TRAPPC9: variants seen among roughly 807,000 people sequenced by gnomAD.
TRAPPC9 encodes trafficking protein particle complex subunit 9, also known as IKK2 binding protein.
TRAPPC9 carries 83 observed loss-of-function variants against 124.0 expected under a neutral mutation model. The observed-to-expected ratio is 0.67, with a 90% CI of 0.56 to 0.80. The LOEUF (loss-of-function observed/expected upper bound fraction) is 0.80. TRAPPC9 is among the 30% of genes least tolerant of loss of function. The pLI is 0.00. For missense variants in TRAPPC9, 1,302 were observed against 1,508.3 expected (o/e 0.86, Z 2.27); for synonymous variants, 638 against 617.5 (o/e 1.03, Z -0.49).
At chr8:140,354,108 C>G (rs944593465) in intron 9 of TRAPPC9, among the ~76,000 whole-genome samples, 2 of 152,206 alleles carry the variant, frequency 1.3e-5, no homozygotes, top group African/African-American at 4.8e-5. Context: ...CGGCCAAATA[C>G]AGAGTGAATG....
intron 17 of TRAPPC9, among the ~76,000 whole-genome samples, chr8:140,190,540 A>G (rs1459704439): frequency 1.3e-5 from 2 of 152,332 alleles, no homozygotes; most frequent in African/African-American, 4.8e-5. Flanking sequence ...GCAGGAATTA[A>G]TTGGTTCAGA....
intron 5 of TRAPPC9, 79 bp downstream of exon 5, chr8:140,426,536 T>G: frequency 7.4e-7 from 1 of 1,355,290 alleles, no homozygotes; most frequent in Non-Finnish European, 1.1e-6. Flanking sequence ...ATCCAGAAAT[T>G]TTAACCATTC....
At chr8:139,883,408 C>A (rs1259845879) in intron 21 of TRAPPC9, among the ~76,000 whole-genome samples, 1 of 152,220 alleles carries the variant, frequency 6.6e-6, no homozygotes, top group Non-Finnish European at 1.5e-5. Flanking sequence ...AAAATCAGGG[C>A]AAGAAATGGA....
In TRAPPC9 at chr8:140,353,756, A is replaced by G. The variant is rs2067655940; in HGVS notation, c.1495+6294T>C. 6.6e-6 allele frequency among the ~76,000 whole-genome samples: 1 copy of G among 152,242 alleles called. No homozygotes were observed. The highest frequency in any genetic ancestry group is 1.5e-5 in the Non-Finnish European group (1 of 68,046). On this transcript the variant is annotated intron_variant, in intron 9 of 22. Transcript: ENST00000438773. The surrounding 1 kb of genome is among the most constrained non-coding windows in gnomAD (Gnocchi z 4.2). Reference sequence around the variant, plus strand: ...CAGTTAGAAGAAATATCCATTTGGTAGCATAGTAGAAGGTGGGTTTAAAGA... The same window carrying G: ...CAGTTAGAAGAAATATCCATTTGGTGGCATAGTAGAAGGTGGGTTTAAAGA...
chr8:139,904,691 G>A (rs976338375), intron 20 of TRAPPC9: 3 of 152,210 alleles, frequency 2.0e-5, no homozygotes, highest in Non-Finnish European at 4.4e-5. Flanking sequence ...GCAGGTCTGA[G>A]GTAAGGAAAA....
intron 17 of TRAPPC9, among the ~76,000 whole-genome samples, chr8:140,212,533 T>G (rs2063083491): frequency 1.3e-5 from 2 of 152,176 alleles, no homozygotes; most frequent in Non-Finnish European, 2.9e-5. Context: ...GATATTGGTC[T>G]GTAGTGCTTT....
chr8:139,803,795 G>C (rs1434122295), intron 21 of TRAPPC9, among the ~76,000 whole-genome samples: 1 of 152,188 alleles, frequency 6.6e-6, no homozygotes, highest in Admixed American at 6.5e-5. Flanking sequence ...TCTTTTCTCA[G>C]AATCTGCTGC....
chr8:140,435,567 C>T (rs142705489), intron 3 of TRAPPC9, among the ~76,000 whole-genome samples: 1 of 152,236 alleles, frequency 6.6e-6, no homozygotes, highest in African/African-American at 2.4e-5. Context: ...CATCCATTCA[C>T]GTGGCCGGCA....
At chr8:140,113,890 A>C (rs2060829325) in intron 17 of TRAPPC9, among the ~76,000 whole-genome samples, 1 of 152,168 alleles carries the variant, frequency 6.6e-6, no homozygotes, top group Non-Finnish European at 1.5e-5. Context: ...TCCCTGACAC[A>C]ATCAAAGCCT....
chr8:140,301,230 G>A (rs577148260), intron 10 of TRAPPC9, among the ~76,000 whole-genome samples: 2 of 152,170 alleles, frequency 1.3e-5, no homozygotes, highest in East Asian at 3.8e-4. Flanking sequence ...ATCTGTCATC[G>A]CTTCCCACAG....
At chr8:140,404,460 ATACATGAC>A (rs2069400447) in intron 6 of TRAPPC9, among the ~76,000 whole-genome samples, 2 of 152,202 alleles carry the variant, frequency 1.3e-5, no homozygotes, top group Admixed American at 1.3e-4. Context: ...GTCTTGATGA[ATACATGAC>A]TACATCCACA....
chr8:140,048,996 C>T (rs550613198), intron 17 of TRAPPC9, among the ~76,000 whole-genome samples: 3 of 152,254 alleles, frequency 2.0e-5, no homozygotes, highest in African/African-American at 7.2e-5. Context: ...GAAGCTGAGG[C>T]GGAAGGAAGG....
chr8:140,399,292 G>A (rs533941513), intron 6 of TRAPPC9, among the ~76,000 whole-genome samples: 2 of 152,354 alleles, frequency 1.3e-5, no homozygotes, highest in African/African-American at 4.8e-5. Flanking sequence ...GTGGAGCTGT[G>A]AGAAGAAAGC....
At chr8:140,270,526 C>G (rs1194877203) in intron 15 of TRAPPC9, among the ~76,000 whole-genome samples, 1 of 152,206 alleles carries the variant, frequency 6.6e-6, no homozygotes, top group Non-Finnish European at 1.5e-5. Context: ...AGAGACCATA[C>G]CCTGATTAGA....
intron 8 of TRAPPC9, among the ~76,000 whole-genome samples, chr8:140,361,395 G>A (rs1345526150): frequency 6.6e-6 from 1 of 152,230 alleles, no homozygotes; most frequent in East Asian, 1.9e-4. Context: ...GCCAGGGCAG[G>A]TGGGCAAGGA....
At chr8:139,766,919 A>C (rs1198314069) in intron 21 of TRAPPC9, among the ~76,000 whole-genome samples, 1 of 152,214 alleles carries the variant, frequency 6.6e-6, no homozygotes, top group Non-Finnish European at 1.5e-5. Context: ...TACAGCACTT[A>C]TCATATGCTC....
At chr8:139,852,168 A>T (rs1283678075) in intron 21 of TRAPPC9, among the ~76,000 whole-genome samples, 2 of 152,176 alleles carry the variant, frequency 1.3e-5, no homozygotes, top group South Asian at 2.1e-4. Flanking sequence ...ACAGATGATG[A>T]GACTTGCTCC....
chr8:139,958,079 C>T (rs767542970), intron 19 of TRAPPC9, among the ~76,000 whole-genome samples: 9 of 152,136 alleles, frequency 5.9e-5, no homozygotes, highest in African/African-American at 9.7e-5. Flanking sequence ...GCCAATCATG[C>T]GCGAGTCAGT....
chr8:139,767,423 ATCCTCACGAGGGCAGCATCCCG>A (rs1454241377), intron 21 of TRAPPC9, among the ~76,000 whole-genome samples: 9 of 152,188 alleles, frequency 5.9e-5, no homozygotes, highest in Non-Finnish European at 1.0e-4. Context: ...AGAGCATCCC[ATCCTCACGAGGGCAGCATCCCG>A]TCCTCACGAG....
Sources: allele counts gnomAD v4.1 joint callset (sites outside exome capture counted in the v4.1 genomes callset), GRCh38; gene constraint gnomAD v4.1.1; non-coding constraint Gnocchi (gnomAD v3.1); transcripts MANE v1.5; gene names NCBI Gene and HGNC (gene_info 2026-07-23, HGNC 2026-07-21).